Variants in ADAMTSL1 observed in about 807,000 individuals in gnomAD.
ADAMTSL1 encodes the protein ADAMTS like 1.
Under a neutral mutation model 201.8 loss-of-function variants are expected in ADAMTSL1, and 126 were observed. That is an observed-to-expected ratio of 0.62 (90% confidence interval 0.54 to 0.72). ADAMTSL1 has a LOEUF of 0.72. ADAMTSL1 is among the 30% of genes least tolerant of loss of function. The probability of loss-of-function intolerance (pLI) is 0.00; values close to 1 mark genes in which losing one functional copy is unlikely to be tolerated. For missense variants in ADAMTSL1, 2,679 were observed against 2,277.8 expected, an observed-to-expected ratio of 1.18 and a Z score of -3.59; for synonymous variants, 1,121 against 903.4, an observed-to-expected ratio of 1.24 and a Z score of -4.32.
chr9:18,058,018 G>T (rs548224248), intron 1 of ADAMTSL1, among the ~76,000 whole-genome samples: 36 of 152,298 alleles, frequency 2.4e-4, no homozygotes, highest in African/African-American at 8.4e-4. Flanking sequence ...GGGTAAATCT[G>T]CTTCCTTGTT....
intron 1 of ADAMTSL1, among the ~76,000 whole-genome samples, chr9:18,089,156 A>G (rs1156821708): frequency 6.6e-6 from 1 of 152,202 alleles, no homozygotes; most frequent in African/African-American, 2.4e-5. Flanking sequence ...CTGTCTCAAA[A>G]AACCAAAAAA....
chr9:18,608,484 A>T (rs116311283), intron 4 of ADAMTSL1, among the ~76,000 whole-genome samples: 6,337 of 152,300 alleles, frequency 0.042, 168 homozygotes, highest in East Asian at 0.13. Context: ...ATCTTTCTGA[A>T]TGGGAAAATG....
At chr9:17,936,003 C>T (rs1301656491) in intron 1 of ADAMTSL1, among the ~76,000 whole-genome samples, 5 of 152,214 alleles carry the variant, frequency 3.3e-5, no homozygotes, top group Non-Finnish European at 7.3e-5. Flanking sequence ...TATTCTCTAG[C>T]TTCACTGGTC....
intron 2 of ADAMTSL1, among the ~76,000 whole-genome samples, chr9:18,278,553 A>T (rs1169805492): frequency 6.6e-6 from 1 of 152,152 alleles, no homozygotes; most frequent in Admixed American, 6.5e-5. Context: ...ACATGTGACT[A>T]GTTGCTTTGC....
At chr9:18,168,390 C>G (rs565198449) in intron 2 of ADAMTSL1, among the ~76,000 whole-genome samples, 1 of 152,122 alleles carries the variant, frequency 6.6e-6, no homozygotes, top group South Asian at 2.1e-4. Context: ...GTTTTTTGTC[C>G]TTGTGATAGT....
intron 3 of ADAMTSL1, among the ~76,000 whole-genome samples, chr9:18,561,778 T>C (rs1821518943): frequency 1.3e-5 from 2 of 152,226 alleles, no homozygotes; most frequent in African/African-American, 4.8e-5. Context: ...CATTATGTAA[T>C]GCCCTTCTTT....
At chr9:18,281,875 C>T (rs1227348300) in intron 2 of ADAMTSL1, among the ~76,000 whole-genome samples, 1 of 152,204 alleles carries the variant, frequency 6.6e-6, no homozygotes, top group Non-Finnish European at 1.5e-5. Context: ...TGGCCCCATT[C>T]TACAAATTTT....
chr9:18,770,739 A>G lies in ADAMTSL1; in HGVS notation c.2355A>G (p.Lys785=). The G allele has an allele frequency of 1.2e-6, 2 of 1,613,960 alleles. No individual in the cohort carries two copies. The highest frequency in any genetic ancestry group is 1.7e-6 in the Non-Finnish European group (2 of 1,179,872). Residue 785 remains lysine, a synonymous_variant, in exon 17 of 29, where the codon AAA becomes AAG. Coordinates refer to ENST00000380548, the MANE Select transcript of ADAMTSL1 (RefSeq NM_001040272.6). ...CTGCCTGCCAGCAAGCATGCAAGAAAGATGACTGTCCCAGCGAGTGGCTTC... is the reference window on the plus strand; with the variant it reads ...CTGCCTGCCAGCAAGCATGCAAGAAGGATGACTGTCCCAGCGAGTGGCTTC... ...SKPACQQACK[K]DDCPSEWLLS...
intron 20 of ADAMTSL1, among the ~76,000 whole-genome samples, chr9:18,813,268 A>T (rs1588151790): frequency 6.6e-6 from 1 of 152,214 alleles, no homozygotes; most frequent in East Asian, 1.9e-4. Context: ...CCGGCCCCCA[A>T]CTTTGTACTT....
At chr9:17,926,323 A>C (rs966790719) in intron 1 of ADAMTSL1, among the ~76,000 whole-genome samples, 5 of 152,204 alleles carry the variant, frequency 3.3e-5, no homozygotes, top group African/African-American at 1.2e-4. Context: ...TTTAGGATGG[A>C]CTAGATCATG....
intron 1 of ADAMTSL1, among the ~76,000 whole-genome samples, chr9:17,952,856 A>C (rs1455316657): frequency 6.6e-6 from 1 of 151,880 alleles, no homozygotes; most frequent in Non-Finnish European, 1.5e-5. Flanking sequence ...TATAATTTAA[A>C]TCTGTACGCT....
intron 2 of ADAMTSL1, among the ~76,000 whole-genome samples, chr9:18,286,297 C>G (rs1447003530): frequency 6.6e-6 from 1 of 152,122 alleles, no homozygotes; most frequent in Non-Finnish European, 1.5e-5. Context: ...AAAAGTAGTA[C>G]ATAAAATGTT....
At chr9:18,033,870 T>G (rs1285644279) in intron 1 of ADAMTSL1, among the ~76,000 whole-genome samples, 1 of 152,194 alleles carries the variant, frequency 6.6e-6, no homozygotes, top group East Asian at 1.9e-4. Context: ...ATAGTAGATG[T>G]CCAGTATATT....
chr9:18,176,006 GC>G (rs1170105789), intron 2 of ADAMTSL1, among the ~76,000 whole-genome samples: 1 of 21,796 alleles, frequency 4.6e-5, no homozygotes, highest in African/African-American at 1.9e-4. Context: ...AAGAGGGAAA[GC>G]AAAAAAAAAA....
intron 2 of ADAMTSL1, among the ~76,000 whole-genome samples, chr9:18,464,629 A>G (rs1820931593): frequency 6.6e-6 from 1 of 152,240 alleles, no homozygotes; most frequent in Non-Finnish European, 1.5e-5. Flanking sequence ...GGATAAAGAA[A>G]AACAATGTTT....
chr9:18,311,354 A>T (rs1471449202), intron 2 of ADAMTSL1, among the ~76,000 whole-genome samples: 1 of 152,146 alleles, frequency 6.6e-6, no homozygotes, highest in Non-Finnish European at 1.5e-5. Flanking sequence ...TATAATAAAA[A>T]AAAAAAGTAT....
chr9:17,965,217 A>G (rs942749234), intron 1 of ADAMTSL1, among the ~76,000 whole-genome samples: 7 of 152,132 alleles, frequency 4.6e-5, no homozygotes, highest in African/African-American at 1.4e-4. Flanking sequence ...AAGAGTTTCA[A>G]TTTTTTTCCT....
At chr9:18,501,368 G>T (rs972183455) in intron 1 of ADAMTSL1, among the ~76,000 whole-genome samples, 1 of 151,880 alleles carries the variant, frequency 6.6e-6, no homozygotes, top group East Asian at 1.9e-4. Context: ...AAAATTAGCC[G>T]GGCGTGCCGA....
chr9:18,162,570 A>T (rs1827440859), intron 1 of ADAMTSL1, among the ~76,000 whole-genome samples: 1 of 152,008 alleles, frequency 6.6e-6, no homozygotes, highest in Non-Finnish European at 1.5e-5. Context: ...ATATGAAAGT[A>T]TTTGATGGAT....
Sources: gnomAD v4.1 joint callset for allele counts (sites outside exome capture counted in the v4.1 genomes callset) on GRCh38, gnomAD v4.1.1 for gene constraint, MANE v1.5 for transcripts, NCBI Gene and HGNC (gene_info 2026-07-23, HGNC 2026-07-21) for gene names.